SLC2A14: variants seen among roughly 807,000 people sequenced by gnomAD.
SLC2A14 encodes solute carrier family 2, facilitated glucose transporter member 14.
In SLC2A14, 13 loss-of-function variants were observed where a neutral mutation model predicts 43.0. The ratio of observed to expected loss-of-function variants is 0.30; its 90% CI spans 0.20 to 0.48. The LOEUF (loss-of-function observed/expected upper bound fraction) is 0.48. Among genes scored for constraint, SLC2A14 ranks in the 20% least tolerant of loss-of-function variants. SLC2A14 has a pLI of 0.99. For synonymous variants in SLC2A14, 190 were observed against 233.8 expected (o/e 0.81, Z 1.71); for missense variants, 428 against 620.4 (o/e 0.69, Z 3.29).
intron 8 of SLC2A14, among the ~76,000 whole-genome samples, chr12:7,820,720 C>T (rs1863844862): frequency 1.1e-5 from 1 of 89,710 alleles, no homozygotes; most frequent in Non-Finnish European, 2.3e-5. Flanking sequence ...TTCCTCTTTT[C>T]CCATCCATCC....
At chr12:7,857,651 C>A (rs1216105485) in intron 2 of SLC2A14, among the ~76,000 whole-genome samples, 1 of 152,078 alleles carries the variant, frequency 6.6e-6, no homozygotes, top group East Asian at 1.9e-4. Flanking sequence ...CTTGATCTTA[C>A]CTTCAGCTTG....
intron 1 of SLC2A14, among the ~76,000 whole-genome samples, chr12:7,883,912 T>TTTTC (rs71451923): frequency 0.16 from 22,455 of 140,704 alleles, 1,889 homozygotes; most frequent in East Asian, 0.39. Context: ...CTGAATTAAC[T>TTTTC]TTTCTTTCTT....
At chr12:7,865,717 T>C (rs1319256734) in intron 2 of SLC2A14, among the ~76,000 whole-genome samples, 1 of 152,026 alleles carries the variant, frequency 6.6e-6, no homozygotes, top group African/African-American at 2.4e-5. Context: ...AAACCCTAAA[T>C]GGCATCTAAG....
At chr12:7,833,140 T>A (rs1158967205) in intron 2 of SLC2A14, among the ~76,000 whole-genome samples, 1 of 152,190 alleles carries the variant, frequency 6.6e-6, no homozygotes, top group Non-Finnish European at 1.5e-5. Flanking sequence ...AGAATTCCAC[T>A]CACGAACTGG....
intron 1 of SLC2A14, chr12:7,871,021 G>A (rs763359748): frequency 5.2e-5 from 74 of 1,434,396 alleles, no homozygotes; most frequent in Admixed American, 2.4e-4. Flanking sequence ...GGGACAGCAC[G>A]ACAAGCTGGC....
rs1410407838 is a variant in SLC2A14 at position 7,867,289 on chromosome 12, AAAAAAAAAAAAC to A, written c.18+2562_18+2573del. On this transcript the variant is annotated intron_variant, in intron 2 of 10. Transcript: ENST00000431042. ...GAGGGAGACTCCGTCTCAAAAAAAAAAAAAAAAAAAACAAAAAAAACATTCGTGATTCATGGG... is the reference window on the plus strand; with the variant it reads ...GAGGGAGACTCCGTCTCAAAAAAAAAAAAAAAAACATTCGTGATTCATGGG... 5.7e-4 allele frequency among the ~76,000 whole-genome samples: 70 copies of A among 122,638 alleles called. 1 individual carries two copies. The highest frequency in any genetic ancestry group is 2.0e-3 in the African/African-American group (66 of 33,606). 80.5% of individuals were successfully genotyped at this position (122,638 alleles called of 152,430 possible).
At position 7,814,007 on chromosome 12, in the gene SLC2A14, CA is replaced by C. The variant is rs1863223187; in HGVS notation, c.*308del. 1 of 373,572 alleles carries C rather than the reference CA, an allele frequency of 2.7e-6. No homozygotes were observed. Among genetic ancestry groups the C allele is most frequent in the African/African-American group, 2.0e-5 (1 of 49,196 alleles). The allele number at this position is 373,572 out of a possible 1,614,324, so 23.1% of individuals were successfully genotyped here. A position where few individuals can be genotyped will look rare whatever the true frequency, so the allele number is the denominator to read the frequency against. On this transcript the variant is annotated 3_prime_UTR_variant, in exon 11 of 11. Coordinates refer to ENST00000431042, the MANE Select transcript of SLC2A14 (RefSeq NM_001286234.2). ...TCCTCTCCTATATCCTCTAGTGCGG[CA>C]ATATCAGAACCCAAGGGAGGAAAAG...
intron 1 of SLC2A14, among the ~76,000 whole-genome samples, chr12:7,878,504 C>A (rs768542248): frequency 1.3e-5 from 2 of 151,414 alleles, no homozygotes; most frequent in African/African-American, 2.4e-5. Flanking sequence ...AGAGATCTAC[C>A]CACCTAGGCC....
At chr12:7,854,484 TTTTG>T (rs774538984) in intron 2 of SLC2A14, among the ~76,000 whole-genome samples, 44 of 152,172 alleles carry the variant, frequency 2.9e-4, no homozygotes, top group Non-Finnish European at 8.8e-5. Context: ...TTCTTTTGTT[TTTTG>T]TTTGTTTGTT....
At chr12:7,821,356 A>G in intron 7 of SLC2A14, 31 bp from the exon 8 acceptor site, 3 of 1,567,348 alleles carry the variant, frequency 1.9e-6, no homozygotes, top group Non-Finnish European at 2.6e-6. Context: ...CAGCTTTGAT[A>G]AAATTCTGCA....
In SLC2A14 at chr12:7,866,546, A is replaced by G. The variant is rs368055429; in HGVS notation, c.18+3317T>C. On this transcript the variant is annotated intron_variant, in intron 2 of 10. Coordinates refer to ENST00000431042, the MANE Select transcript of SLC2A14 (RefSeq NM_001286234.2). ...CGCCCAGCTAATTTTTATATTTTTT[A>G]GTAGAGACAGGGTTTCACTATGTTG... 3.9e-5 allele frequency among the ~76,000 whole-genome samples: 6 copies of G among 152,098 alleles called. No individual in the cohort carries two copies. In the East Asian group the frequency reaches 9.7e-4, roughly 25 times the overall value.
In SLC2A14 at chr12:7,832,829, G is replaced by A; in HGVS notation, c.19-15C>T. ...GCTGGGGTGACCTGGAGAGACAGAGGACAGGGAGGAGAGAATAGTCCTTAA... is the reference window on the plus strand; with the variant it reads ...GCTGGGGTGACCTGGAGAGACAGAGAACAGGGAGGAGAGAATAGTCCTTAA... On this transcript the variant is annotated splice_polypyrimidine_tract_variant and intron_variant, in intron 2 of 10. Coordinates refer to ENST00000431042, the MANE Select transcript of SLC2A14 (RefSeq NM_001286234.2). The A allele has an allele frequency of 6.2e-7, 1 of 1,612,198 alleles. No homozygotes were observed. Among genetic ancestry groups the A allele is most frequent in the Non-Finnish European group, 8.5e-7 (1 of 1,178,298 alleles).
intron 1 of SLC2A14, among the ~76,000 whole-genome samples, chr12:7,878,756 A>G (rs1447669924): frequency 6.6e-6 from 1 of 151,744 alleles, no homozygotes; most frequent in Non-Finnish European, 1.5e-5. Context: ...AGGTGGGCGG[A>G]TCACGAGGTC....
chr12:7,863,277 A>T (rs926647738), intron 2 of SLC2A14: 4 of 417,578 alleles, frequency 9.6e-6, no homozygotes, highest in African/African-American at 8.3e-5. Flanking sequence ...CAGCAAGACC[A>T]CGAACCCACC....
upstream of SLC2A14, among the ~76,000 whole-genome samples, chr12:7,876,618 A>T (rs1436288153): frequency 6.6e-6 from 1 of 152,182 alleles, no homozygotes; most frequent in Non-Finnish European, 1.5e-5. Flanking sequence ...AAATGAAACC[A>T]GCACCTTGTA....
intron 2 of SLC2A14, among the ~76,000 whole-genome samples, chr12:7,842,215 C>T (rs1267910300): frequency 3.9e-5 from 6 of 152,162 alleles, no homozygotes; most frequent in Non-Finnish European, 7.3e-5. Context: ...CTTTTCGTGG[C>T]TCATTTCTTT....
At chr12:7,837,655 A>AAAAAAAAAAAAAAAAAAT in intron 2 of SLC2A14, among the ~76,000 whole-genome samples, 1 of 137,412 alleles carries the variant, frequency 7.3e-6, no homozygotes, top group Admixed American at 7.6e-5. Flanking sequence ...AAAAAAAAAA[A>AAAAAAAAAAAAAAAAAAT]AGATGGTTCA....
chr12:7,844,182 T>C (rs1866258465), intron 2 of SLC2A14, among the ~76,000 whole-genome samples: 1 of 152,194 alleles, frequency 6.6e-6, no homozygotes, highest in Non-Finnish European at 1.5e-5. Context: ...AAGAAATTGC[T>C]ATTTTTACTT....
intron 2 of SLC2A14, chr12:7,839,651 T>C (rs113440464): frequency 1.7e-5 from 5 of 302,698 alleles, no homozygotes; most frequent in African/African-American, 1.1e-4. Context: ...GTGGTTTAAA[T>C]GTGTGTTCCC....
Sources: gnomAD v4.1 joint callset for allele counts (sites outside exome capture counted in the v4.1 genomes callset) on GRCh38, gnomAD v4.1.1 for gene constraint, MANE v1.5 for transcripts, NCBI Gene and HGNC (gene_info 2026-07-23, HGNC 2026-07-21) for gene names.